The following NLRP7 variants were observed in gnomAD, a reference collection of about 807,000 sequenced individuals.
The protein encoded by NLRP7 is NACHT, LRR and PYD domains-containing protein 7.
Under a neutral mutation model 85.5 loss-of-function variants are expected in NLRP7, and 72 were observed. That is an observed-to-expected ratio of 0.84 (90% CI 0.70 to 1.02). The LOEUF (loss-of-function observed/expected upper bound fraction) is 1.02, where lower values mean the gene tolerates loss of function less well. Ranked by LOEUF, NLRP7 falls within the 50% of genes least tolerant of loss-of-function variation. NLRP7 has a pLI of 0.00. For missense variants in NLRP7, 1,243 were observed against 1,219.5 expected, an observed-to-expected ratio of 1.02 and a Z score of -0.29; for synonymous variants, 550 against 505.2, an observed-to-expected ratio of 1.09 and a Z score of -1.19.
Position 54,934,486 on chromosome 19 carries a change from T to TA in NLRP7, c.2471+2dup, listed in dbSNP as rs1387344752. The TA allele has an allele frequency of 4.3e-6, 7 of 1,613,980 alleles. No individual in the cohort carries two copies. Among genetic ancestry groups the TA allele is most frequent in the Non-Finnish European group, 5.9e-6 (7 of 1,179,970 alleles). On this transcript the variant is annotated splice_region_variant and intron_variant, in intron 7 of 9. Coordinates refer to ENST00000340844, the Ensembl canonical transcript of NLRP7. The surrounding 1 kb of genome is among the most constrained non-coding windows in gnomAD (Gnocchi z 6.7). ...GAGCTGCCCATGGGAAGAGGAGACT[T>TA]ACGACAACATCTGCAGGAAGTGTTT...
At chr19:54,964,773 C>T (rs1170858365) in intron 1 of NLRP7, among the ~76,000 whole-genome samples, 3 of 141,452 alleles carry the variant, frequency 2.1e-5, no homozygotes, top group Non-Finnish European at 4.7e-5. Context: ...CTGCGGGGAG[C>T]CGAGATCGTG....
chr19:54,961,503 T>C (rs777100460), intron 1 of NLRP7, among the ~76,000 whole-genome samples: 6 of 142,130 alleles, frequency 4.2e-5, no homozygotes, highest in Non-Finnish European at 7.6e-5. Context: ...CATCTCTAAA[T>C]AAATAAATAA....
chr19:54,954,543 A>T (rs999410134), intron 1 of NLRP7, among the ~76,000 whole-genome samples: 16 of 148,160 alleles, frequency 1.1e-4, no homozygotes, highest in African/African-American at 4.0e-4. Context: ...AAAAAAAAAA[A>T]AAAAAAAAAG....
chr19:54,947,270 C>T (rs565789430), intron 1 of NLRP7, among the ~76,000 whole-genome samples, 199 bp downstream of exon 1: 2 of 151,424 alleles, frequency 1.3e-5, no homozygotes, highest in South Asian at 2.1e-4. Flanking sequence ...GAGTTTGCAG[C>T]GAACCAAGAT....
upstream of NLRP7, chr19:54,947,539 T>C (rs2069528012): frequency 1.4e-5 from 18 of 1,289,714 alleles, no homozygotes; most frequent in Non-Finnish European, 1.8e-5. Flanking sequence ...GGGAGGTCTC[T>C]GGCCCTTGGT....
At chr19:54,943,290 G>T (rs138130396) in intron 1 of NLRP7, among the ~76,000 whole-genome samples, 8,157 of 151,754 alleles carry the variant, frequency 0.054, 362 homozygotes, top group African/African-American at 0.12. Flanking sequence ...GTGACAGAGT[G>T]AGGCCCTGTC....
intron 1 of NLRP7, among the ~76,000 whole-genome samples, chr19:54,964,014 G>A (rs2146295180): frequency 6.7e-6 from 1 of 148,646 alleles, no homozygotes; most frequent in Non-Finnish European, 1.5e-5. Context: ...CAAGTAGCTG[G>A]GATTACAGGC....
chr19:54,949,680 G>A (rs945322271), upstream of NLRP7, among the ~76,000 whole-genome samples: 2 of 152,126 alleles, frequency 1.3e-5, no homozygotes, highest in African/African-American at 4.8e-5. Flanking sequence ...TAGACATTGG[G>A]AACTTTCAGC....
chr19:54,939,254 A>G lies in NLRP7; in HGVS notation c.1565T>C (p.Leu522Ser), dbSNP rs1226888170. Residue 522 changes from leucine (L) to serine (S), a missense_variant, in exon 4 of 10, where the codon TTA becomes TCA. Around this residue, in one of 3 missense-constraint regions of NLRP7, gnomAD observed 613 missense variants for 588.4 expected, o/e 1.04. Coordinates refer to ENST00000340844, the Ensembl canonical transcript of NLRP7. ...TCTCTTCTCGTTAGCGAGGCCGAAT[A>G]AGAAGTGTCCTACTTGAATCAGGTC... 1.2e-5 allele frequency: 20 copies of G among 1,614,004 alleles called. No homozygotes were observed. In the African/African-American group the frequency reaches 2.1e-4, roughly 17 times the overall value.
At position 54,934,600 on chromosome 19, in the gene NLRP7, G is replaced by A; in HGVS notation, c.2360C>T (p.Ala787Val). The A allele has an allele frequency of 6.2e-7, 1 of 1,614,112 alleles. No homozygotes were observed. The highest frequency in any genetic ancestry group is 8.5e-7 in the Non-Finnish European group (1 of 1,179,978). The change falls in exon 7 of 10, where the codon GCC (alanine) becomes GTC (valine). Residue 787 changes from alanine to valine, a missense_variant. Ala to Val is a moderately conservative substitution (Grantham distance 64, BLOSUM62 0). Around this residue, in one of 3 missense-constraint regions of NLRP7, gnomAD observed 613 missense variants for 588.4 expected, o/e 1.04. Coordinates refer to ENST00000340844, the Ensembl canonical transcript of NLRP7. This position sits in a 1 kb window ranked among gnomAD's most constrained non-coding sequence, Gnocchi z 6.7. Reference sequence around the variant, plus strand: ...ACGCAGGTGCTTCAGGGACTGGTTGGCTTTGAGGACATAGAAGAATTCAGC... The same window carrying A: ...ACGCAGGTGCTTCAGGGACTGGTTGACTTTGAGGACATAGAAGAATTCAGC...
chr19:54,939,688 C>T (rs1839812198), exon 4 of NLRP7: 1 of 1,613,232 alleles, frequency 6.2e-7, no homozygotes, highest in South Asian at 1.1e-5. Context: ...CCCCCTTCTC[C>T]ATCTGCAGCT....
chr19:54,932,752 T>G (rs1376231642), intron 8 of NLRP7, among the ~76,000 whole-genome samples: 1 of 151,810 alleles, frequency 6.6e-6, no homozygotes, highest in African/African-American at 2.4e-5. Flanking sequence ...GCCTCCCAGA[T>G]TCAAGCGATT....
Position 54,939,682 on chromosome 19 carries a change from C to CT in NLRP7, c.1136dup (p.Glu381GlyfsTer147). ...GGCAGGTGGGGACCGGGTCCTCCCC[C>CT]TTCTCCATCTGCAGCTTCAGAGTCG... On this transcript the variant is annotated frameshift_variant, in exon 4 of 10. Coordinates refer to ENST00000340844, the Ensembl canonical transcript of NLRP7. LOFTEE classifies it high-confidence loss of function. 6.2e-7 allele frequency: 1 copy of CT among 1,612,728 alleles called. No homozygotes were observed. The highest frequency in any genetic ancestry group is 8.5e-7 in the Non-Finnish European group (1 of 1,179,844).
intron 9 of NLRP7, among the ~76,000 whole-genome samples, 199 bp from the exon 10 acceptor site, chr19:54,927,974 C>T (rs2068519439): frequency 6.6e-6 from 1 of 152,026 alleles, no homozygotes. Flanking sequence ...ACACCTGTAG[C>T]CCCAGCACCT....
At chr19:54,947,243 G>A (rs2069514167) in intron 1 of NLRP7, among the ~76,000 whole-genome samples, 1 of 151,900 alleles carries the variant, frequency 6.6e-6, no homozygotes, top group Admixed American at 6.6e-5. Context: ...GAGAATGGCG[G>A]GTGAACCCAG....
At chr19:54,959,785 GA>G (rs1443548958) in intron 1 of NLRP7, among the ~76,000 whole-genome samples, 1 of 151,922 alleles carries the variant, frequency 6.6e-6, no homozygotes, top group Admixed American at 6.6e-5. Flanking sequence ...TCCTCTCATG[GA>G]TGTCTGTCTG....
In NLRP7 at chr19:54,934,087, G is replaced by C. The variant is rs1189031520; in HGVS notation, c.2472-348C>G. On this transcript the variant is annotated intron_variant, in intron 7 of 9. Transcript: ENST00000340844. The surrounding 1 kb of genome is among the most constrained non-coding windows in gnomAD (Gnocchi z 6.7). Reference sequence around the variant, plus strand: ...GCCTCCTGAGTAGCTGGGACTACAGGCGCCCACCACACCTGGATAATTTTT... The same window carrying C: ...GCCTCCTGAGTAGCTGGGACTACAGCCGCCCACCACACCTGGATAATTTTT... 6.6e-6 allele frequency among the ~76,000 whole-genome samples: 1 copy of C among 152,120 alleles called. No individual in the cohort carries two copies. Among genetic ancestry groups the C allele is most frequent in the Non-Finnish European group, 1.5e-5 (1 of 68,030 alleles).
chr19:54,926,227 T>TGTGC (rs372128868), intron 9 of NLRP7, among the ~76,000 whole-genome samples: 101 of 150,840 alleles, frequency 6.7e-4, no homozygotes, highest in African/African-American at 2.4e-3. Context: ...TGTGTGTGTG[T>TGTGC]GCTCATGCAC....
exon 4 of NLRP7, chr19:54,939,890 T>A: frequency 6.2e-7 from 1 of 1,613,848 alleles, no homozygotes; most frequent in Non-Finnish European, 8.5e-7. Flanking sequence ...CGCCAGGAGC[T>A]GGAGGTCCCT....
Sources: gnomAD v4.1 joint callset for allele counts (sites outside exome capture counted in the v4.1 genomes callset) on GRCh38, gnomAD v4.1.1 for gene constraint, gnomAD v4.1.1 regional missense constraint, Gnocchi (gnomAD v3.1) non-coding constraint, MANE v1.5 for transcripts, NCBI Gene and HGNC (gene_info 2026-07-23, HGNC 2026-07-21) for gene names.